The following PPM1K variants were observed in gnomAD, a reference collection of about 807,000 sequenced individuals.
The protein encoded by PPM1K is protein phosphatase, Mg2+/Mn2+ dependent 1K.
A neutral mutation model predicts 32.6 loss-of-function variants in PPM1K; 19 were observed. The observed-to-expected ratio is 0.58, with a 90% CI of 0.41 to 0.86. The LOEUF is 0.86. PPM1K is among the 40% of genes least tolerant of loss of function. The pLI is 0.00. For missense variants in PPM1K, 362 were observed against 461.2 expected (o/e 0.78, Z 1.97); for synonymous variants, 159 against 165.3 (o/e 0.96, Z 0.29).
intron 3 of PPM1K, among the ~76,000 whole-genome samples, chr4:88,273,543 T>A (rs951315423): frequency 1.3e-5 from 2 of 152,090 alleles, no homozygotes; most frequent in African/African-American, 2.4e-5. Flanking sequence ...TAGGTAGGCA[T>A]GGTGGCAGGC....
rs1347115467 is a variant in PPM1K at position 88,280,306 on chromosome 4, A to G, written c.-59-1664T>C. ...TCTGCTGTCACAGAATTTAGAATAA[A>G]GATGGCCACCAAAACAAGTAATGTA... On this transcript the variant is annotated intron_variant, in intron 1 of 6. Transcript: ENST00000608933. Among the ~76,000 whole-genome samples the G allele has an allele frequency of 3.9e-5, 6 of 152,256 alleles. No homozygotes were observed. In the East Asian group the frequency reaches 1.2e-3, roughly 29 times the overall value.
rs533180622 is a variant in PPM1K, at chr4:88,260,621, T to C, written c.*1974A>G. The C allele has an allele frequency of 6.6e-6, 1 of 152,260 alleles. No homozygotes were observed. Among genetic ancestry groups the C allele is most frequent in the South Asian group, 2.1e-4 (1 of 4,820 alleles). The allele number at this position is 152,260 out of a possible 1,614,324, so 9.4% of individuals were successfully genotyped here. On this transcript the variant is annotated 3_prime_UTR_variant, in exon 7 of 7. Transcript: ENST00000608933. ...AAAAATCAAAATATTTATTTAGCAC[T>C]TTTTTCAAAGGGCAATTCCTGATTA...
chr4:88,267,253 T>TGCGG (rs1272621690), intron 5 of PPM1K, among the ~76,000 whole-genome samples: 5 of 147,794 alleles, frequency 3.4e-5, no homozygotes, highest in African/African-American at 1.0e-4. Flanking sequence ...GCTGATTGGG[T>TGCGG]GTGGGTGATG....
At chr4:88,276,304 A>G in intron 3 of PPM1K, 1 of 985,430 alleles carries the variant, frequency 1.0e-6, no homozygotes, top group South Asian at 4.7e-5. Context: ...GATGAACCAA[A>G]TACAGATCAA....
chr4:88,261,512 G>C lies in PPM1K; in HGVS notation c.*1083C>G, dbSNP rs1479440947. On this transcript the variant is annotated 3_prime_UTR_variant, in exon 7 of 7. Coordinates refer to ENST00000608933, the MANE Select transcript of PPM1K (RefSeq NM_152542.5). ...TTCCATCAGTATTTAACTTTTGACC[G>C]GAAGACTCAGCCTGTGCATTCTTTT... 6.6e-6 allele frequency: 1 copy of C among 152,044 alleles called. No individual in the cohort carries two copies. The highest frequency in any genetic ancestry group is 2.4e-5 in the African/African-American group (1 of 41,378). 9.4% of individuals were successfully genotyped at this position (152,044 alleles called of 1,614,324 possible). A position where few individuals can be genotyped will look rare whatever the true frequency, so the allele number is the denominator to read the frequency against.
intron 6 of PPM1K, among the ~76,000 whole-genome samples, chr4:88,264,089 T>C (rs565243882): frequency 1.4e-4 from 21 of 152,338 alleles, no homozygotes; most frequent in Admixed American, 6.5e-4. Context: ...AGGAAAGAAG[T>C]GTTCATCCAT....
In PPM1K at chr4:88,260,552, T is replaced by A. The variant is rs1468799943; in HGVS notation, c.*2043A>T. The A allele has an allele frequency of 6.6e-6, 1 of 152,112 alleles. No homozygotes were observed. The highest frequency in any genetic ancestry group is 2.4e-5 in the African/African-American group (1 of 41,402). 9.4% of individuals were successfully genotyped at this position (152,112 alleles called of 1,614,324 possible). On this transcript the variant is annotated 3_prime_UTR_variant, in exon 7 of 7. Transcript: ENST00000608933. ...CAACAAACAGAATGTTAACAGTCTT[T>A]CCTGTGATGTTTTTCCTTCTTTCAC...
intron 6 of PPM1K, 21 bp downstream of exon 6, chr4:88,264,980 C>T (rs759558858): frequency 2.5e-6 from 4 of 1,612,688 alleles, no homozygotes. Flanking sequence ...TGGGACTTTT[C>T]AGGCAGAAGC....
rs1653927816 is a variant in PPM1K, at chr4:88,259,534, C to G, written c.*3061G>C. 6.6e-6 allele frequency: 1 copy of G among 152,064 alleles called. No homozygotes were observed. Among genetic ancestry groups the G allele is most frequent in the Non-Finnish European group, 1.5e-5 (1 of 68,002 alleles). 9.4% of individuals were successfully genotyped at this position (152,064 alleles called of 1,614,324 possible). A position where few individuals can be genotyped will look rare whatever the true frequency, so the allele number is the denominator to read the frequency against. ...AATGTAATTTACACTATGCCTATAC[C>G]CACATGGCAAATTCAGTTATAACTG... On this transcript the variant is annotated 3_prime_UTR_variant, in exon 7 of 7. Transcript: ENST00000608933.
chr4:88,262,310 AATT>A lies in PPM1K; in HGVS notation c.*282_*284del, dbSNP rs1303873240. 4.8e-6 allele frequency: 1 copy of A among 209,218 alleles called. No individual in the cohort carries two copies. The highest frequency in any genetic ancestry group is 9.4e-6 in the Non-Finnish European group (1 of 106,090). The allele number at this position is 209,218 out of a possible 1,614,324, so 13.0% of individuals were successfully genotyped here. A position where few individuals can be genotyped will look rare whatever the true frequency, so the allele number is the denominator to read the frequency against. ...CCCATAGCTGCCTAAGAGTCTTAAA[AATT>A]ATTAATGTGACACTCTCATCTCTCA... On this transcript the variant is annotated 3_prime_UTR_variant, in exon 7 of 7. Coordinates refer to ENST00000608933, the MANE Select transcript of PPM1K (RefSeq NM_152542.5).
chr4:88,277,489 A>G (rs1354276204), intron 2 of PPM1K: 6 of 419,268 alleles, frequency 1.4e-5, no homozygotes, highest in Non-Finnish European at 2.6e-5. Flanking sequence ...CCTCACTACC[A>G]CAACCCTGAG....
Position 88,258,757 on chromosome 4 carries a change from A to G in PPM1K, c.*3838T>C, listed in dbSNP as rs1731006587. ...ATCCCTCCAAAATGGACATCCCCCC[A>G]GAAAAATGCTTATAACTTTGAAACA... is the stretch of plus-strand genomic sequence containing the variant. On this transcript the variant is annotated 3_prime_UTR_variant, in exon 7 of 7. Transcript: ENST00000608933. 1 of 152,226 alleles carries G rather than the reference A, an allele frequency of 6.6e-6. No homozygotes were observed. The allele number at this position is 152,226 out of a possible 1,614,324, so 9.4% of individuals were successfully genotyped here.
At chr4:88,270,716 T>C (rs532456043) in intron 3 of PPM1K, among the ~76,000 whole-genome samples, 1 of 152,324 alleles carries the variant, frequency 6.6e-6, no homozygotes, top group African/African-American at 2.4e-5. Flanking sequence ...ATTTCATAAG[T>C]AGAAGTTTAG....
chr4:88,278,425 A>G lies in PPM1K; in HGVS notation c.159T>C (p.Asp53=). 1 of 1,614,202 alleles carries G rather than the reference A, an allele frequency of 6.2e-7. No homozygotes were observed. Among genetic ancestry groups the G allele is most frequent in the Non-Finnish European group, 8.5e-7 (1 of 1,180,042 alleles). ...CCCAGGTAGCTGGACTCCCACTACC[A>G]TCTGGGTCAAACCGAGAACACCTAG... The part of the protein sequence containing the change: ...SEPRCSRFDP[D]GSGSPATWDN... The change falls in exon 2 of 7, where the codon GAT becomes GAC. Residue 53 remains aspartate, a synonymous_variant. Transcript: ENST00000608933. This position sits in a 1 kb window ranked among gnomAD's most constrained non-coding sequence, Gnocchi z 4.2.
intron 3 of PPM1K, among the ~76,000 whole-genome samples, chr4:88,270,073 G>A (rs757346296): frequency 5.3e-5 from 8 of 152,094 alleles, no homozygotes; most frequent in Non-Finnish European, 8.8e-5. Flanking sequence ...AGATGACTTC[G>A]ATTTTAAAGG....
chr4:88,283,178 G>C lies in PPM1K; in HGVS notation c.-60+1228C>G, dbSNP rs373004696. ...CGCCCAGGCTGGAGTGCAGTGGTGC[G>C]ATCTCGGCTCACTGCAGCCTCGACC... On this transcript the variant is annotated intron_variant, in intron 1 of 6. Transcript: ENST00000608933. Among the ~76,000 whole-genome samples the C allele has an allele frequency of 3.3e-4, 50 of 152,240 alleles. 3 individuals are homozygous for C. The East Asian group carries it at 9.7e-3, about 30-fold the overall frequency.
At position 88,261,186 on chromosome 4, in the gene PPM1K, T is replaced by C. The variant is rs1224709266; in HGVS notation, c.*1409A>G. On this transcript the variant is annotated 3_prime_UTR_variant, in exon 7 of 7. Coordinates refer to ENST00000608933, the MANE Select transcript of PPM1K (RefSeq NM_152542.5). Reference sequence around the variant, plus strand: ...TTCACATTTTAACAGCAAACTTACATGCAGATAAAGAGAAGTATAGTTTTA... The same window carrying C: ...TTCACATTTTAACAGCAAACTTACACGCAGATAAAGAGAAGTATAGTTTTA... 2 of 152,146 alleles carry C rather than the reference T, an allele frequency of 1.3e-5. No individual in the cohort carries two copies. Among genetic ancestry groups the C allele is most frequent in the Non-Finnish European group, 2.9e-5 (2 of 68,016 alleles). 9.4% of individuals were successfully genotyped at this position (152,146 alleles called of 1,614,324 possible).
intron 1 of PPM1K, among the ~76,000 whole-genome samples, chr4:88,283,103 C>T (rs921188020): frequency 6.6e-6 from 1 of 152,234 alleles, no homozygotes; most frequent in Non-Finnish European, 1.5e-5. Flanking sequence ...CAGAACACCA[C>T]AAACCATGGC....
rs980976508 is a variant in PPM1K at position 88,262,499 on chromosome 4, T to A, written c.*96A>T. On this transcript the variant is annotated 3_prime_UTR_variant, in exon 7 of 7. Transcript: ENST00000608933. The stretch of plus-strand genomic sequence containing the variant: ...AAGTGGTTTACACTGACTTGTGCGC[T>A]GATCTAGTGAGTTAGGAGACCTTTT... 8 of 1,380,800 alleles carry A rather than the reference T, an allele frequency of 5.8e-6. No individual in the cohort carries two copies. Among genetic ancestry groups the A allele is most frequent in the Non-Finnish European group, 6.9e-6 (7 of 1,010,350 alleles). 85.5% of individuals were successfully genotyped at this position (1,380,800 alleles called of 1,614,324 possible).
Sources: allele counts gnomAD v4.1 joint callset (sites outside exome capture counted in the v4.1 genomes callset), GRCh38; gene constraint gnomAD v4.1.1; non-coding constraint Gnocchi (gnomAD v3.1); transcripts MANE v1.5; gene names NCBI Gene and HGNC (gene_info 2026-07-23, HGNC 2026-07-21).